Variants in SLC66A3 observed in about 807,000 individuals in gnomAD.
SLC66A3 encodes the protein solute carrier family 66 member 3.
Under a neutral mutation model 25.5 loss-of-function variants are expected in SLC66A3, and 23 were observed. The observed-to-expected ratio is 0.90, with a 90% CI of 0.65 to 1.28. SLC66A3 has a LOEUF of 1.28. Ranked by LOEUF, SLC66A3 falls within the 50% of genes most tolerant of loss-of-function variation. The pLI is 0.00. For synonymous variants in SLC66A3, 108 were observed against 112.6 expected, an observed-to-expected ratio of 0.96 and a Z score of 0.26; for missense variants, 246 against 262.1, an observed-to-expected ratio of 0.94 and a Z score of 0.42.
chr2:11,169,453 C>T (rs1216645441), intron 4 of SLC66A3, among the ~76,000 whole-genome samples: 1 of 152,148 alleles, frequency 6.6e-6, no homozygotes, highest in Non-Finnish European at 1.5e-5. Context: ...GTGGCCAGTT[C>T]TCATTCCTCT....
At chr2:11,160,827 A>G in intron 3 of SLC66A3, 133 bp downstream of exon 3, 9 of 1,338,306 alleles carry the variant, frequency 6.7e-6, no homozygotes, top group Non-Finnish European at 6.1e-6. Context: ...AAAAATCCCA[A>G]ATGCAAACGT....
intron 5 of SLC66A3, among the ~76,000 whole-genome samples, chr2:11,172,984 TC>T (rs1412578646): frequency 2.0e-5 from 3 of 152,302 alleles, no homozygotes; most frequent in Admixed American, 1.3e-4. Flanking sequence ...TGCCTCAGCT[TC>T]CTGAGTAGCT....
chr2:11,164,005 T>A (rs1383630200), intron 3 of SLC66A3, among the ~76,000 whole-genome samples, 199 bp from the exon 4 acceptor site: 5 of 152,138 alleles, frequency 3.3e-5, no homozygotes, highest in Admixed American at 3.3e-4. Flanking sequence ...CCTGTTTTCG[T>A]TCTTTTGAAT....
chr2:11,155,590 G>C lies in SLC66A3; in HGVS notation c.44G>C (p.Gly15Ala), dbSNP rs200593382. Reference sequence around the variant, plus strand: ...GGGCTGTGTAACTGGAGCACGCTGGGCGTGTGCGCCGCGCTGAAGCTGCCG... The same window carrying C: ...GGGCTGTGTAACTGGAGCACGCTGGCCGTGTGCGCCGCGCTGAAGCTGCCG... ...LLGLCNWSTL[G>A]VCAALKLPQI... Residue 15 changes from glycine (G) to alanine (A), a missense_variant, in exon 1 of 7, where the codon GGC becomes GCC. Transcript: ENST00000295083. The C allele has an allele frequency of 2.0e-6, 3 of 1,517,210 alleles. No homozygotes were observed. The highest frequency in any genetic ancestry group is 2.4e-5 in the South Asian group (2 of 82,042). 94.0% of individuals were successfully genotyped at this position (1,517,210 alleles called of 1,614,324 possible).
chr2:11,172,143 G>A (rs1488729045), intron 5 of SLC66A3, 98 bp downstream of exon 5: 22 of 1,184,392 alleles, frequency 1.9e-5, no homozygotes, highest in African/African-American at 3.1e-5. Context: ...GGTCCCTGGC[G>A]CTTTACTACT....
chr2:11,160,224 T>C, intron 1 of SLC66A3: 1 of 589,648 alleles, frequency 1.7e-6, no homozygotes, highest in Non-Finnish European at 3.0e-6. Flanking sequence ...CAAGGCACTC[T>C]ATAGAGATCG....
intron 4 of SLC66A3, among the ~76,000 whole-genome samples, chr2:11,166,473 G>T (rs1285630405): frequency 6.6e-6 from 1 of 152,160 alleles, no homozygotes; most frequent in African/African-American, 2.4e-5. Flanking sequence ...CCAACATCTT[G>T]TCTGGAAAGT....
chr2:11,166,839 G>A (rs937311762), intron 4 of SLC66A3, among the ~76,000 whole-genome samples: 3 of 152,242 alleles, frequency 2.0e-5, no homozygotes, highest in Non-Finnish European at 2.9e-5. Flanking sequence ...AGCTTGCAGT[G>A]AGCCAGGATC....
chr2:11,165,538 A>G (rs1383704705), intron 4 of SLC66A3, among the ~76,000 whole-genome samples: 34 of 142,534 alleles, frequency 2.4e-4, no homozygotes, highest in African/African-American at 8.7e-4. Context: ...CAGACTGGGC[A>G]GCCGGGCAGA....
chr2:11,176,063 G>T (rs1252912444), intron 6 of SLC66A3, among the ~76,000 whole-genome samples: 1 of 152,198 alleles, frequency 6.6e-6, no homozygotes, highest in Non-Finnish European at 1.5e-5. Flanking sequence ...CACAGGACTT[G>T]AATTCTCAGC....
chr2:11,166,842 C>T (rs1057246430), intron 4 of SLC66A3, among the ~76,000 whole-genome samples: 1 of 152,158 alleles, frequency 6.6e-6, no homozygotes, highest in Non-Finnish European at 1.5e-5. Context: ...TTGCAGTGAG[C>T]CAGGATCACG....
chr2:11,172,849 G>T, intron 5 of SLC66A3: 1 of 296,612 alleles, frequency 3.4e-6, no homozygotes, highest in South Asian at 2.6e-5. Context: ...CACCACACCT[G>T]GCTAATTTTT....
intron 3 of SLC66A3, among the ~76,000 whole-genome samples, chr2:11,162,057 C>T (rs184714337): frequency 5.3e-5 from 8 of 152,320 alleles, no homozygotes; most frequent in East Asian, 3.9e-4. Context: ...ATAAACTGTG[C>T]GTCCCCCATC....
chr2:11,159,069 C>G (rs1292515674), intron 1 of SLC66A3, among the ~76,000 whole-genome samples: 1 of 152,228 alleles, frequency 6.6e-6, no homozygotes, highest in African/African-American at 2.4e-5. Flanking sequence ...TGGATGACCC[C>G]TGAAGGTGAG....
intron 3 of SLC66A3, 53 bp from the exon 4 acceptor site, chr2:11,164,151 A>G: frequency 9.3e-7 from 1 of 1,079,206 alleles, no homozygotes; most frequent in Non-Finnish European, 1.4e-6. Flanking sequence ...GTGAGATGGG[A>G]GGGTGGCGCG....
chr2:11,155,694 G>A lies in SLC66A3; in HGVS notation c.143+5G>A. On this transcript the variant is annotated splice_donor_5th_base_variant and intron_variant, in intron 1 of 6. Transcript: ENST00000295083. Reference sequence around the variant, plus strand: ...TTTACTTCTGGAGCTGGCAGGGTAAGGCCCGGGGCGGCCGGGGCTGCCTCC... The same window carrying A: ...TTTACTTCTGGAGCTGGCAGGGTAAAGCCCGGGGCGGCCGGGGCTGCCTCC... 7.1e-7 allele frequency: 1 copy of A among 1,404,586 alleles called. No homozygotes were observed. Among genetic ancestry groups the A allele is most frequent in the Non-Finnish European group, 9.2e-7 (1 of 1,082,542 alleles). 87.0% of individuals were successfully genotyped at this position (1,404,586 alleles called of 1,614,324 possible). A position where few individuals can be genotyped will look rare whatever the true frequency, so the allele number is the denominator to read the frequency against.
At position 11,160,604 on chromosome 2, in the gene SLC66A3, C is replaced by A. The variant is rs527890607; in HGVS notation, c.227-21C>A. On this transcript the variant is annotated intron_variant, in intron 2 of 6. Coordinates refer to ENST00000295083, the MANE Select transcript of SLC66A3 (RefSeq NM_152391.5). ...CCACGGGTCTCCCCTTCCCCCCTCA[C>A]TCGGAGCCTCTCTCTTTCAGATGTC... is the stretch of plus-strand genomic sequence containing the variant. 17 of 1,614,186 alleles carry A rather than the reference C, an allele frequency of 1.1e-5. 1 individual carries two copies. In the South Asian group the frequency reaches 1.4e-4, roughly 14 times the overall value.
intron 3 of SLC66A3, among the ~76,000 whole-genome samples, chr2:11,160,992 A>T: frequency 6.6e-6 from 1 of 152,112 alleles, no homozygotes; most frequent in Non-Finnish European, 1.5e-5. Flanking sequence ...TTCATGTGAG[A>T]CATTTCTTCC....
intron 6 of SLC66A3, 135 bp from the exon 7 acceptor site, chr2:11,177,602 A>G: frequency 1.7e-6 from 1 of 582,710 alleles, no homozygotes; most frequent in Non-Finnish European, 3.0e-6. Context: ...TCATTTCCCC[A>G]GAAATAACTG....
Sources: gnomAD v4.1 joint callset for allele counts (sites outside exome capture counted in the v4.1 genomes callset) on GRCh38, gnomAD v4.1.1 for gene constraint, MANE v1.5 for transcripts, NCBI Gene and HGNC (gene_info 2026-07-23, HGNC 2026-07-21) for gene names.